The following GRIK2 variants were observed in gnomAD, a reference collection of about 807,000 sequenced individuals.
GRIK2 encodes the protein glutamate ionotropic receptor kainate type subunit 2, also known as glutamate receptor ionotropic, kainate 2.
A neutral mutation model predicts 100.3 loss-of-function variants in GRIK2; 32 were observed. That is an observed-to-expected ratio of 0.32 (90% CI 0.24 to 0.43). The LOEUF is 0.43. Among genes scored for constraint, GRIK2 ranks in the 20% least tolerant of loss-of-function variants. GRIK2 has a pLI of 1.00. For missense variants in GRIK2, 843 were observed against 1,114.9 expected, an observed-to-expected ratio of 0.76 and a Z score of 3.47; for synonymous variants, 417 against 389.4, an observed-to-expected ratio of 1.07 and a Z score of -0.83.
At chr6:101,818,974 A>G (rs1781792354) in intron 10 of GRIK2, among the ~76,000 whole-genome samples, 1 of 152,054 alleles carries the variant, frequency 6.6e-6, no homozygotes, top group African/African-American at 2.4e-5. Flanking sequence ...ATTTTACTTT[A>G]TGAATTTCCC....
chr6:101,554,506 T>TA (rs1245483791), intron 2 of GRIK2, among the ~76,000 whole-genome samples: 7 of 152,200 alleles, frequency 4.6e-5, no homozygotes, highest in South Asian at 4.1e-4. Context: ...TATAAAGAAA[T>TA]AAAAAAATCA....
chr6:101,798,158 A>C (rs2128412609), intron 7 of GRIK2, among the ~76,000 whole-genome samples: 1 of 151,818 alleles, frequency 6.6e-6, no homozygotes, highest in African/African-American at 2.4e-5. Context: ...AAACATAAAT[A>C]TTTTTAAGGC....
intron 7 of GRIK2, among the ~76,000 whole-genome samples, chr6:101,731,783 A>G (rs1775290420): frequency 6.6e-6 from 1 of 152,040 alleles, no homozygotes; most frequent in African/African-American, 2.4e-5. Context: ...AAAGTCACTT[A>G]AAACCTCTAA....
chr6:101,706,856 A>C (rs1214043440), intron 7 of GRIK2, among the ~76,000 whole-genome samples: 2 of 151,938 alleles, frequency 1.3e-5, no homozygotes, highest in Non-Finnish European at 2.9e-5. Context: ...GTGTATGCAA[A>C]GGTGCAGATG....
chr6:101,973,571 A>G (rs920077470), intron 14 of GRIK2, among the ~76,000 whole-genome samples: 1 of 151,930 alleles, frequency 6.6e-6, no homozygotes, highest in Non-Finnish European at 1.5e-5. Context: ...TGAAATCTTT[A>G]TGAACCTCAA....
intron 7 of GRIK2, among the ~76,000 whole-genome samples, chr6:101,784,486 G>A (rs1779302125): frequency 6.6e-6 from 1 of 152,214 alleles, no homozygotes; most frequent in South Asian, 2.1e-4. Flanking sequence ...TTAAGACTTT[G>A]AGGGACTGTG....
chr6:101,565,958 T>TATATATAA, intron 2 of GRIK2, among the ~76,000 whole-genome samples: 1 of 142,626 alleles, frequency 7.0e-6, no homozygotes, highest in African/African-American at 2.6e-5. Flanking sequence ...TATATATATA[T>TATATATAA]AAGCAAACTA....
At chr6:101,755,383 G>A (rs1777074137) in intron 7 of GRIK2, among the ~76,000 whole-genome samples, 1 of 151,916 alleles carries the variant, frequency 6.6e-6, no homozygotes, top group African/African-American at 2.4e-5. Flanking sequence ...AAGCCAGGAT[G>A]GTCTTGATCT....
At chr6:101,655,090 C>T (rs942664662) in intron 4 of GRIK2, among the ~76,000 whole-genome samples, 1 of 152,124 alleles carries the variant, frequency 6.6e-6, no homozygotes, top group Non-Finnish European at 1.5e-5. Flanking sequence ...AAAAAGTTAA[C>T]AATTTTCCAC....
At chr6:101,820,658 G>GGT (rs1781900235) in intron 10 of GRIK2, among the ~76,000 whole-genome samples, 1 of 152,124 alleles carries the variant, frequency 6.6e-6, no homozygotes, top group Non-Finnish European at 1.5e-5. Flanking sequence ...TGGCCAGGAT[G>GGT]GTCTCGATCT....
At chr6:101,401,519 C>T (rs1358485734) in intron 2 of GRIK2, among the ~76,000 whole-genome samples, 2 of 152,168 alleles carry the variant, frequency 1.3e-5, no homozygotes, top group South Asian at 2.1e-4. Context: ...AACCAACAGT[C>T]CAGCTTCTAG....
At chr6:101,868,134 T>A (rs936121691) in intron 11 of GRIK2, among the ~76,000 whole-genome samples, 1 of 150,326 alleles carries the variant, frequency 6.7e-6, no homozygotes, top group Non-Finnish European at 1.5e-5. Flanking sequence ...CCCTACAAAC[T>A]GGAAGCAACT....
In GRIK2 at chr6:101,928,484, T is replaced by A; in HGVS notation, c.1937T>A (p.Ile646Asn). 1 of 1,609,156 alleles carries A rather than the reference T, an allele frequency of 6.2e-7. No individual in the cohort carries two copies. The highest frequency in any genetic ancestry group is 8.5e-7 in the Non-Finnish European group (1 of 1,175,564). The change falls in exon 14 of 17, where the codon ATC becomes AAC. Residue 646 changes from isoleucine to asparagine, a missense_variant. Physicochemically the swap from Ile to Asn is moderately radical, Grantham distance 149 (BLOSUM62 -3). Around this residue, in one of 3 missense-constraint regions of GRIK2, gnomAD observed 237 missense variants for 388.0 expected, o/e 0.61. Coordinates refer to ENST00000369134, the MANE Select transcript of GRIK2 (RefSeq NM_021956.5). ...GGCATTTGGTGGTTTTTCACACTTATCATCATTTCTTCGTATACTGCTAAC... is the reference window on the plus strand; with the variant it reads ...GGCATTTGGTGGTTTTTCACACTTAACATCATTTCTTCGTATACTGCTAAC... ...VGGIWWFFTL[I>N]IISSYTANLA... is the part of the protein sequence containing the mutation.
At chr6:101,968,388 A>AT (rs1792830006) in intron 14 of GRIK2, among the ~76,000 whole-genome samples, 1 of 152,000 alleles carries the variant, frequency 6.6e-6, no homozygotes. Flanking sequence ...AATAAAACAA[A>AT]TTTGCATTGC....
intron 14 of GRIK2, among the ~76,000 whole-genome samples, chr6:101,977,386 G>C (rs1180842050): frequency 6.6e-6 from 1 of 151,774 alleles, no homozygotes; most frequent in African/African-American, 2.4e-5. Flanking sequence ...AGCAGAAGTA[G>C]GCAAAGAATG....
intron 12 of GRIK2, among the ~76,000 whole-genome samples, chr6:101,912,087 A>ACACACAC (rs1788746978): frequency 1.2e-4 from 2 of 16,218 alleles, no homozygotes; most frequent in East Asian, 1.4e-3. Context: ...CACAGACACA[A>ACACACAC]ACACACACAC....
At chr6:101,960,317 C>G (rs1792215812) in intron 14 of GRIK2, among the ~76,000 whole-genome samples, 1 of 151,742 alleles carries the variant, frequency 6.6e-6, no homozygotes, top group Admixed American at 6.6e-5. Context: ...ATTTTGAATT[C>G]TTTATCTGTC....
chr6:101,725,800 G>A (rs556082283), intron 7 of GRIK2, among the ~76,000 whole-genome samples: 4 of 151,874 alleles, frequency 2.6e-5, no homozygotes, highest in East Asian at 1.9e-4. Flanking sequence ...AAAGACTGTC[G>A]TTAACTCTGA....
chr6:101,607,141 G>A (rs1213213804), intron 2 of GRIK2, among the ~76,000 whole-genome samples: 1 of 151,934 alleles, frequency 6.6e-6, no homozygotes. Context: ...GCTCTTATGT[G>A]TCTATTGGGA....
Sources: gnomAD v4.1 joint callset for allele counts (sites outside exome capture counted in the v4.1 genomes callset) on GRCh38, gnomAD v4.1.1 for gene constraint, gnomAD v4.1.1 regional missense constraint, MANE v1.5 for transcripts, NCBI Gene and HGNC (gene_info 2026-07-23, HGNC 2026-07-21) for gene names.